CEP85L: variants seen among roughly 807,000 people sequenced by gnomAD.
The protein encoded by CEP85L is centrosomal protein of 85 kDa-like.
In CEP85L, 60 loss-of-function variants were observed where a neutral mutation model predicts 100.3. The observed-to-expected ratio is 0.60, with a 90% confidence interval of 0.49 to 0.74. The LOEUF (loss-of-function observed/expected upper bound fraction) is 0.74, where lower values mean the gene tolerates loss of function less well. Ranked by LOEUF, CEP85L falls within the 30% of genes least tolerant of loss-of-function variation. CEP85L has a pLI of 0.00. For missense variants in CEP85L, 973 were observed against 936.2 expected (o/e 1.04, Z -0.51); for synonymous variants, 319 against 322.7 (o/e 0.99, Z 0.12).
chr6:118,542,920 A>AAC (rs1777988599), intron 3 of CEP85L, among the ~76,000 whole-genome samples: 1 of 150,948 alleles, frequency 6.6e-6, no homozygotes, highest in African/African-American at 2.4e-5. Context: ...AAAAAAAAAA[A>AAC]AAACAGGATA....
chr6:118,651,334 C>A lies in CEP85L; in HGVS notation c.-65G>T, dbSNP rs1775545257. 1.4e-6 allele frequency: 2 copies of A among 1,387,546 alleles called. No individual in the cohort carries two copies. Among genetic ancestry groups the A allele is most frequent in the Non-Finnish European group, 1.9e-6 (2 of 1,071,328 alleles). The allele number at this position is 1,387,546 out of a possible 1,614,324, so 86.0% of individuals were successfully genotyped here. A position where few individuals can be genotyped will look rare whatever the true frequency, so the allele number is the denominator to read the frequency against. ...CCTCACGTCCGTCCTCCTGCTTCTT[C>A]GGCGGCGGAAACTTGCGCGGAGCGT... On this transcript the variant is annotated 5_prime_UTR_variant, in exon 1 of 13. Transcript: ENST00000368491.
intron 12 of CEP85L, among the ~76,000 whole-genome samples, chr6:118,467,504 A>T (rs867373460): frequency 6.6e-6 from 1 of 152,270 alleles, no homozygotes. Context: ...TTCACAAATC[A>T]ACTGGCTGGT....
intron 4 of CEP85L, among the ~76,000 whole-genome samples, chr6:118,519,581 T>TGTGTGGG (rs1374479283): frequency 3.3e-4 from 1 of 3,036 alleles, no homozygotes; most frequent in Non-Finnish European, 5.2e-4. Context: ...TGTGTGTGTG[T>TGTGTGGG]GGCGGGGGGG....
intron 3 of CEP85L, 56 bp from the exon 4 acceptor site, chr6:118,523,976 T>C (rs1242904345): frequency 4.0e-5 from 26 of 644,724 alleles, no homozygotes; most frequent in Middle Eastern, 4.4e-4. Flanking sequence ...AAAATATTTA[T>C]ATATTATCAT....
At chr6:118,698,459 C>A (rs1777285022) in intron 1 of CEP85L, among the ~76,000 whole-genome samples, 1 of 151,668 alleles carries the variant, frequency 6.6e-6, no homozygotes, top group Admixed American at 6.6e-5. Context: ...AGTAACATAA[C>A]TCTGAGTTGA....
At chr6:118,602,192 G>C (rs1405838802) in intron 2 of CEP85L, among the ~76,000 whole-genome samples, 1 of 152,176 alleles carries the variant, frequency 6.6e-6, no homozygotes, top group African/African-American at 2.4e-5. Context: ...TCAGGGTAGA[G>C]AGGAGCTCAG....
chr6:118,568,223 G>A (rs538289279), intron 2 of CEP85L, among the ~76,000 whole-genome samples: 1 of 152,340 alleles, frequency 6.6e-6, no homozygotes, highest in African/African-American at 2.4e-5. Flanking sequence ...ACTGGCAGCA[G>A]CTAGACAGCT....
intron 1 of CEP85L, among the ~76,000 whole-genome samples, chr6:118,671,916 G>A (rs541690417): frequency 2.0e-5 from 3 of 152,238 alleles, no homozygotes; most frequent in African/African-American, 7.2e-5. Flanking sequence ...CAGCCTGGGC[G>A]AAAGAGCGAG....
At chr6:118,608,050 G>T (rs1289036765) in intron 2 of CEP85L, among the ~76,000 whole-genome samples, 5 of 152,138 alleles carry the variant, frequency 3.3e-5, no homozygotes, top group Admixed American at 3.3e-4. Context: ...AAGGATGGCT[G>T]CTCCACAGCC....
intron 1 of CEP85L, among the ~76,000 whole-genome samples, chr6:118,687,203 C>T (rs1457625130): frequency 6.6e-6 from 1 of 152,184 alleles, no homozygotes; most frequent in Non-Finnish European, 1.5e-5. Context: ...CTATCTAAAA[C>T]AGCAGCCATA....
chr6:118,512,906 G>A (rs903826689), intron 4 of CEP85L, among the ~76,000 whole-genome samples: 1 of 152,052 alleles, frequency 6.6e-6, no homozygotes, highest in African/African-American at 2.4e-5. Flanking sequence ...ATAATAATAA[G>A]AAAATCCAAT....
chr6:118,626,594 C>T (rs550571629), intron 2 of CEP85L, among the ~76,000 whole-genome samples: 14 of 152,286 alleles, frequency 9.2e-5, no homozygotes, highest in South Asian at 6.2e-4. Flanking sequence ...ACGTATCTCC[C>T]GCCTTAAAGA....
At chr6:118,519,739 C>T (rs747105763) in intron 4 of CEP85L, among the ~76,000 whole-genome samples, 2 of 151,916 alleles carry the variant, frequency 1.3e-5, no homozygotes, top group Non-Finnish European at 2.9e-5. Flanking sequence ...GGAGTCTTCA[C>T]TGAAGAATTC....
chr6:118,521,915 T>A (rs1183757571), intron 4 of CEP85L, among the ~76,000 whole-genome samples: 1 of 152,126 alleles, frequency 6.6e-6, no homozygotes, highest in Non-Finnish European at 1.5e-5. Flanking sequence ...AAATATATAT[T>A]TTATTATATT....
intron 10 of CEP85L, among the ~76,000 whole-genome samples, chr6:118,475,951 T>C (rs547589953): frequency 1.3e-4 from 20 of 152,150 alleles, no homozygotes; most frequent in Non-Finnish European, 2.8e-4. Flanking sequence ...TAATACATAA[T>C]TCGAAATTCA....
intron 3 of CEP85L, among the ~76,000 whole-genome samples, chr6:118,555,249 G>A (rs1002126923): frequency 3.3e-5 from 5 of 152,016 alleles, no homozygotes; most frequent in African/African-American, 1.2e-4. Flanking sequence ...GGCTAACATG[G>A]TGAAACCCCG....
chr6:118,483,169 T>C (rs1773914544), intron 7 of CEP85L, among the ~76,000 whole-genome samples: 1 of 151,732 alleles, frequency 6.6e-6, no homozygotes, highest in Admixed American at 6.6e-5. Flanking sequence ...AGTGGATTTA[T>C]AAATAAGGTT....
At chr6:118,601,589 G>A (rs1021123638) in intron 2 of CEP85L, among the ~76,000 whole-genome samples, 1 of 152,110 alleles carries the variant, frequency 6.6e-6, no homozygotes, top group African/African-American at 2.4e-5. Context: ...CAAAGTGAAA[G>A]CAAGTTTATT....
intron 2 of CEP85L, among the ~76,000 whole-genome samples, chr6:118,620,943 G>A (rs73528773): frequency 0.013 from 1,933 of 152,230 alleles, 52 homozygotes; most frequent in African/African-American, 0.044. Flanking sequence ...TTAACTACAC[G>A]AATACGGGGG....
Sources: allele counts gnomAD v4.1 joint callset (sites outside exome capture counted in the v4.1 genomes callset), GRCh38; gene constraint gnomAD v4.1.1; transcripts MANE v1.5; gene names NCBI Gene and HGNC (gene_info 2026-07-23, HGNC 2026-07-21).